Variants in ADARB2 observed in about 807,000 individuals in gnomAD.
ADARB2 encodes the protein adenosine deaminase RNA specific B2 (inactive).
Under a neutral mutation model 62.2 loss-of-function variants are expected in ADARB2, and 25 were observed. The observed-to-expected ratio is 0.40, with a 90% confidence interval of 0.29 to 0.56. The LOEUF (loss-of-function observed/expected upper bound fraction) is 0.56, where lower values mean the gene tolerates loss of function less well. ADARB2 is among the 20% of genes least tolerant of loss of function. The pLI is 0.43. For missense variants in ADARB2, 1,071 were observed against 1,077.4 expected (o/e 0.99, Z 0.08); for synonymous variants, 572 against 500.8 (o/e 1.14, Z -1.90).
chr10:1,694,641 C>T (rs893332072), intron 1 of ADARB2, among the ~76,000 whole-genome samples: 1 of 152,228 alleles, frequency 6.6e-6, no homozygotes, highest in Non-Finnish European at 1.5e-5. Flanking sequence ...TAACAATCAA[C>T]ACTCAAATCG....
intron 1 of ADARB2, among the ~76,000 whole-genome samples, chr10:1,516,529 T>TGGGCTGCTCTGCTCTGTGC (rs964278544): frequency 1.3e-5 from 2 of 151,330 alleles, no homozygotes; most frequent in African/African-American, 2.4e-5. Context: ...CTGTGCTGTG[T>TGGGCTGCTCTGCTCTGTGC]GGGCTGCTCT....
At chr10:1,566,063 CAAAAAAAAAAAAAAAAAAAA>C (rs376967105) in intron 1 of ADARB2, among the ~76,000 whole-genome samples, 5 of 128,056 alleles carry the variant, frequency 3.9e-5, no homozygotes, top group African/African-American at 1.5e-4. Flanking sequence ...CTCAGTCTAG[CAAAAAAAAAAAAAAAAAAAA>C]AAAAAAAAAA....
intron 1 of ADARB2, among the ~76,000 whole-genome samples, chr10:1,647,246 A>G (rs1339636710): frequency 6.6e-6 from 1 of 152,256 alleles, no homozygotes; most frequent in African/African-American, 2.4e-5. Context: ...AAACATAGAC[A>G]ATTGCAGGAT....
intron 1 of ADARB2, among the ~76,000 whole-genome samples, chr10:1,607,857 G>T (rs979421473): frequency 1.3e-5 from 2 of 152,184 alleles, no homozygotes; most frequent in African/African-American, 2.4e-5. Context: ...TCCAGGCCTC[G>T]CATGAACTTT....
chr10:1,300,271 A>G (rs914503991), intron 3 of ADARB2, among the ~76,000 whole-genome samples: 6 of 152,260 alleles, frequency 3.9e-5, no homozygotes, highest in Non-Finnish European at 8.8e-5. Flanking sequence ...TGGCATCTAC[A>G]GATGGATGCC....
At chr10:1,335,811 C>T (rs1831970356) in intron 3 of ADARB2, among the ~76,000 whole-genome samples, 2 of 152,138 alleles carry the variant, frequency 1.3e-5, no homozygotes, top group Admixed American at 6.5e-5. Flanking sequence ...TGTTTCTGCA[C>T]CAGCTCACTG....
At chr10:1,666,064 C>G (rs1016043211) in intron 1 of ADARB2, among the ~76,000 whole-genome samples, 15 of 132,512 alleles carry the variant, frequency 1.1e-4, no homozygotes, top group Admixed American at 9.4e-4. Context: ...AGGCTGAGAC[C>G]AGCATTGGAT....
At chr10:1,581,852 GTGTGTGTGT>G (rs1833106112) in intron 1 of ADARB2, among the ~76,000 whole-genome samples, 1 of 151,814 alleles carries the variant, frequency 6.6e-6, no homozygotes, top group South Asian at 2.1e-4. Flanking sequence ...GTGTGTGTGT[GTGTGTGTGT>G]GTGTGTGTGC....
chr10:1,377,497 G>A lies in ADARB2; in HGVS notation c.187+1577C>T, dbSNP rs559819695. Reference sequence around the variant, plus strand: ...GGTGTGTGTGCGCATGTGTGTGTGCGCTCCTGGGGTGTGTGTTTGTGTGTG... The same window carrying A: ...GGTGTGTGTGCGCATGTGTGTGTGCACTCCTGGGGTGTGTGTTTGTGTGTG... On this transcript the variant is annotated intron_variant, in intron 2 of 9. Coordinates refer to ENST00000381312, the MANE Select transcript of ADARB2 (RefSeq NM_018702.4). Among the ~76,000 whole-genome samples the A allele has an allele frequency of 6.7e-5, 10 of 148,644 alleles. No individual in the cohort carries two copies. In the South Asian group the frequency reaches 1.7e-3, roughly 26 times the overall value.
chr10:1,352,206 G>GATCA (rs1564266000), intron 3 of ADARB2, among the ~76,000 whole-genome samples: 1 of 151,166 alleles, frequency 6.6e-6, no homozygotes, highest in African/African-American at 2.4e-5. Flanking sequence ...CCTGCCAATT[G>GATCA]TGTCCAACTG....
chr10:1,309,831 C>T (rs927016922), intron 3 of ADARB2, among the ~76,000 whole-genome samples: 2 of 152,190 alleles, frequency 1.3e-5, no homozygotes, highest in African/African-American at 2.4e-5. Context: ...TTGCTGCTCT[C>T]CCGGCCCCTA....
chr10:1,490,448 T>C (rs1018206477), intron 1 of ADARB2, among the ~76,000 whole-genome samples: 3 of 152,172 alleles, frequency 2.0e-5, no homozygotes, highest in Admixed American at 6.5e-5. Context: ...TTTTAATTTT[T>C]ATTTTAATTT....
rs140673960 is a variant in ADARB2, at chr10:1,503,245, G to C, written c.101-124085C>G. ...TTGTTGTTGTTCAGTCTGTAGCCCA[G>C]GCTGGAGTGCAGCTCATTTCAACGT... On this transcript the variant is annotated intron_variant, in intron 1 of 9. Coordinates refer to ENST00000381312, the MANE Select transcript of ADARB2 (RefSeq NM_018702.4). Among the ~76,000 whole-genome samples the C allele has an allele frequency of 6.2e-3, 951 of 152,234 alleles. 12 individuals are homozygous for C. Among genetic ancestry groups the C allele is most frequent in the African/African-American group, 0.021 (883 of 41,538 alleles).
chr10:1,326,550 A>G (rs1564257645), intron 3 of ADARB2, among the ~76,000 whole-genome samples: 2 of 152,222 alleles, frequency 1.3e-5, no homozygotes, highest in East Asian at 1.9e-4. Flanking sequence ...TGGGAAAGTA[A>G]CTTTTCTCTG....
Position 1,358,151 on chromosome 10 carries a change from A to G in ADARB2, c.1077+4877T>C, listed in dbSNP as rs867045220. ...GGCTTCATCTTGACTTGCTGCCTCA[A>G]CTGATTGAAGCAATCCCAATAATTG... On this transcript the variant is annotated intron_variant, in intron 3 of 9. Transcript: ENST00000381312. 2.0e-5 allele frequency among the ~76,000 whole-genome samples: 3 copies of G among 152,194 alleles called. 1 individual carries two copies. In the South Asian group the frequency reaches 6.2e-4, roughly 32 times the overall value.
intron 1 of ADARB2, among the ~76,000 whole-genome samples, chr10:1,703,636 G>C (rs1834852556): frequency 6.6e-6 from 1 of 152,182 alleles, no homozygotes; most frequent in Non-Finnish European, 1.5e-5. Flanking sequence ...TAGCTGTTTA[G>C]CATAATAATC....
At chr10:1,712,660 G>T (rs56323430) in intron 1 of ADARB2, among the ~76,000 whole-genome samples, 131,445 of 131,448 alleles carry the variant, frequency 1, 65,721 homozygotes, top group Non-Finnish European at 1. Flanking sequence ...AGGGAAGGAG[G>T]GCACTGGGCG....
Position 1,177,787 on chromosome 10 carries a change from G to C in ADARB2, c.*5406C>G, listed in dbSNP as rs1836607920. 6.6e-6 allele frequency: 1 copy of C among 152,252 alleles called. No individual in the cohort carries two copies. Among genetic ancestry groups the C allele is most frequent in the Non-Finnish European group, 1.5e-5 (1 of 68,056 alleles). The allele number at this position is 152,252 out of a possible 1,614,324, so 9.4% of individuals were successfully genotyped here. A position where few individuals can be genotyped will look rare whatever the true frequency, so the allele number is the denominator to read the frequency against. Reference sequence around the variant, plus strand: ...ATCTGTCTGCGGTTCCCGCAGGAGTGATATTGTTTGGTGTGAATCTCTAGA... The same window carrying C: ...ATCTGTCTGCGGTTCCCGCAGGAGTCATATTGTTTGGTGTGAATCTCTAGA... On this transcript the variant is annotated 3_prime_UTR_variant, in exon 10 of 10. Coordinates refer to ENST00000381312, the MANE Select transcript of ADARB2 (RefSeq NM_018702.4).
Position 1,363,740 on chromosome 10 carries a change from C to G in ADARB2, c.365G>C (p.Trp122Ser). ...KLQLVWKKLS[W>S]SVAPKNALVQ... ...CAGCGCGTTCTTGGGCGCCACCGAC[C>G]ACGACAGCTTCTTCCAGACCAGCTG... Residue 122 changes from tryptophan (W) to serine (S), a missense_variant, in exon 3 of 10, where the codon TGG becomes TCG. Trp to Ser is a radical substitution (Grantham distance 177, BLOSUM62 -3). Coordinates refer to ENST00000381312, the MANE Select transcript of ADARB2 (RefSeq NM_018702.4). 1 of 1,608,986 alleles carries G rather than the reference C, an allele frequency of 6.2e-7. No individual in the cohort carries two copies. Among genetic ancestry groups the G allele is most frequent in the Non-Finnish European group, 8.5e-7 (1 of 1,179,514 alleles).
Sources: gnomAD v4.1 joint callset for allele counts (sites outside exome capture counted in the v4.1 genomes callset) on GRCh38, gnomAD v4.1.1 for gene constraint, MANE v1.5 for transcripts, NCBI Gene and HGNC (gene_info 2026-07-23, HGNC 2026-07-21) for gene names.